TAS2R1: variants seen among roughly 807,000 people sequenced by gnomAD.
The protein encoded by TAS2R1 is taste 2 receptor member 1, also known as taste receptor type 2 member 1.
For synonymous variants in TAS2R1, 141 were observed against 134.2 expected, an observed-to-expected ratio of 1.05 and a Z score of -0.35; for missense variants, 370 against 353.4, an observed-to-expected ratio of 1.05 and a Z score of -0.38.
At chr5:9,790,786 G>A in the TAS2R1 span, among the ~76,000 whole-genome samples, 85 of 151,966 alleles carry the variant, frequency 5.6e-4, no homozygotes, top group African/African-American at 1.7e-3. Context: ...TCGCTACCAC[G>A]CCTGGCTAAT....
the TAS2R1 span, among the ~76,000 whole-genome samples, chr5:9,756,965 G>A: frequency 6.6e-6 from 1 of 152,094 alleles, no homozygotes; most frequent in Admixed American, 6.6e-5. Flanking sequence ...AACAATCAAG[G>A]ACATAATAAA....
At chr5:9,730,396 C>T in the TAS2R1 span, among the ~76,000 whole-genome samples, 1 of 152,314 alleles carries the variant, frequency 6.6e-6, no homozygotes, top group Middle Eastern at 3.4e-3. Context: ...CTTCACAAGA[C>T]AACCTTTTGG....
the TAS2R1 span, among the ~76,000 whole-genome samples, chr5:9,833,830 G>A: frequency 6.6e-6 from 1 of 152,140 alleles, no homozygotes; most frequent in Non-Finnish European, 1.5e-5. Context: ...CTTAGAGGAG[G>A]CATAGACTTC....
Position 9,630,161 on chromosome 5 carries a change from G to A in TAS2R1, c.-129C>T. On this transcript the variant is annotated 5_prime_UTR_variant, in exon 1 of 1. Transcript: ENST00000382492. ...AGAAGACTAACAATAAAGGCATGGG[G>A]CAGGAAGGTGGTGTACATTTGTTTA... 1.4e-6 allele frequency: 1 copy of A among 724,812 alleles called. No individual in the cohort carries two copies. The highest frequency in any genetic ancestry group is 3.3e-5 in the Admixed American group (1 of 30,426). The allele number at this position is 724,812 out of a possible 1,614,324, so 44.9% of individuals were successfully genotyped here.
chr5:9,881,426 A>G, the TAS2R1 span, among the ~76,000 whole-genome samples: 1 of 152,220 alleles, frequency 6.6e-6, no homozygotes, highest in African/African-American at 2.4e-5. Flanking sequence ...GAAAATGGCC[A>G]TAGTGCCCAA....
At chr5:9,790,528 C>T in the TAS2R1 span, among the ~76,000 whole-genome samples, 1 of 152,166 alleles carries the variant, frequency 6.6e-6, no homozygotes, top group Non-Finnish European at 1.5e-5. Context: ...TAAGATGCAT[C>T]TCACTTGCAC....
intron 1 of TAS2R1, among the ~76,000 whole-genome samples, chr5:9,671,206 G>C (rs774772269): frequency 2.6e-5 from 4 of 152,082 alleles, no homozygotes; most frequent in Non-Finnish European, 4.4e-5. Flanking sequence ...GCAAAAGCTG[G>C]GAGCATTCCC....
rs1739797648 is a variant in TAS2R1 at position 9,628,380 on chromosome 5, G to C, written c.*753C>G. ...AAATAAAACATCTTTGCAAGTTATT[G>C]TCTGTTCAGAGTGCACAGCTAGGAG... On this transcript the variant is annotated 3_prime_UTR_variant, in exon 1 of 1. Transcript: ENST00000382492. Among the ~76,000 whole-genome samples the C allele has an allele frequency of 1.3e-5, 2 of 152,118 alleles. No homozygotes were observed. Among genetic ancestry groups the C allele is most frequent in the Non-Finnish European group, 1.5e-5 (1 of 68,030 alleles).
chr5:9,864,808 C>T, the TAS2R1 span, among the ~76,000 whole-genome samples: 1 of 152,124 alleles, frequency 6.6e-6, no homozygotes, highest in South Asian at 2.1e-4. Flanking sequence ...TTGGAAGTGA[C>T]AGGGTACAGC....
Position 9,628,962 on chromosome 5 carries a change from A to T in TAS2R1, c.*171T>A. On this transcript the variant is annotated 3_prime_UTR_variant, in exon 1 of 1. Transcript: ENST00000382492. ...TATGTTGTGCTTTCAAAATCAGTTT[A>T]ACTGCTTGAAAAAGTAGCATATCCA... The T allele has an allele frequency of 3.4e-6, 2 of 595,502 alleles. No individual in the cohort carries two copies. Among genetic ancestry groups the T allele is most frequent in the Non-Finnish European group, 5.4e-6 (2 of 372,164 alleles). The allele number at this position is 595,502 out of a possible 1,614,324, so 36.9% of individuals were successfully genotyped here. A position where few individuals can be genotyped will look rare whatever the true frequency, so the allele number is the denominator to read the frequency against.
chr5:9,831,088 AAAG>A, the TAS2R1 span, among the ~76,000 whole-genome samples: 1 of 152,226 alleles, frequency 6.6e-6, no homozygotes, highest in African/African-American at 2.4e-5. Flanking sequence ...ACATTTACAA[AAAG>A]AAGAAGGAAA....
rs1049896461 is a variant in TAS2R1, at chr5:9,627,926, C to A, written c.*1207G>T. 6.6e-6 allele frequency among the ~76,000 whole-genome samples: 1 copy of A among 152,064 alleles called. No individual in the cohort carries two copies. Among genetic ancestry groups the A allele is most frequent in the Non-Finnish European group, 1.5e-5 (1 of 68,014 alleles). ...CATTGGTGTATTATAACCAGGCCTG[C>A]GTGGCTTGGGTTAGAAAAGCTGTAT... On this transcript the variant is annotated 3_prime_UTR_variant, in exon 1 of 1. Coordinates refer to ENST00000382492, the MANE Select transcript of TAS2R1 (RefSeq NM_019599.3).
chr5:9,872,335 A>G, the TAS2R1 span, among the ~76,000 whole-genome samples: 1 of 152,236 alleles, frequency 6.6e-6, no homozygotes, highest in Admixed American at 6.5e-5. Context: ...TGAATTCTCC[A>G]GAGCAGTTCA....
chr5:9,841,698 C>G, the TAS2R1 span, among the ~76,000 whole-genome samples: 1 of 152,174 alleles, frequency 6.6e-6, no homozygotes, highest in Non-Finnish European at 1.5e-5. Context: ...CAATAAAAGG[C>G]TGTGGCCAGT....
chr5:9,843,737 T>C, the TAS2R1 span, among the ~76,000 whole-genome samples: 1 of 152,232 alleles, frequency 6.6e-6, no homozygotes, highest in Non-Finnish European at 1.5e-5. Context: ...TACCAGAATA[T>C]GACCCCAGTA....
the TAS2R1 span, among the ~76,000 whole-genome samples, chr5:9,783,798 G>T: frequency 6.6e-6 from 1 of 152,140 alleles, no homozygotes; most frequent in Non-Finnish European, 1.5e-5. Flanking sequence ...TATTATACAT[G>T]CTCATATCTT....
chr5:9,782,705 G>C, the TAS2R1 span, among the ~76,000 whole-genome samples: 3 of 152,106 alleles, frequency 2.0e-5, no homozygotes, highest in African/African-American at 7.2e-5. Context: ...TACCTCATCT[G>C]TAGCTTAAAA....
Position 9,696,423 on chromosome 5 carries a change from G to A in TAS2R1, c.-242+15749C>T, listed in dbSNP as rs1334219091. 2.6e-5 allele frequency among the ~76,000 whole-genome samples: 4 copies of A among 152,032 alleles called. No individual in the cohort carries two copies. The South Asian group carries it at 6.2e-4, about 24-fold the overall frequency. On this transcript the variant is annotated intron_variant, in intron 1 of 2. Coordinates refer to the TAS2R1 transcript ENST00000506620. The stretch of plus-strand genomic sequence containing the variant: ...AAAAATACAAAAAAATTAGCCAGGC[G>A]TGGTGGCACGTGCCTGTAATCTCAG...
the TAS2R1 span, among the ~76,000 whole-genome samples, chr5:9,718,182 G>T: frequency 6.6e-6 from 1 of 151,434 alleles, no homozygotes; most frequent in Non-Finnish European, 1.5e-5. Flanking sequence ...TGTTGGCCAG[G>T]ATCGTCTTGA....
Sources: gnomAD v4.1 joint callset for allele counts (sites outside exome capture counted in the v4.1 genomes callset) on GRCh38, gnomAD v4.1.1 for gene constraint, MANE v1.5 for transcripts, NCBI Gene and HGNC (gene_info 2026-07-23, HGNC 2026-07-21) for gene names.